Variants in DDX10 observed in about 807,000 individuals in gnomAD.
The protein encoded by DDX10 is DEAD-box helicase 10.
DDX10 carries 74 observed loss-of-function variants against 104.3 expected under a neutral mutation model. The observed-to-expected ratio is 0.71, with a 90% CI of 0.59 to 0.86. DDX10 has a LOEUF of 0.86. DDX10 is among the 40% of genes least tolerant of loss of function. The probability of loss-of-function intolerance (pLI) is 0.00; values close to 1 mark genes in which losing one functional copy is unlikely to be tolerated. For synonymous variants in DDX10, 351 were observed against 353.4 expected (o/e 0.99, Z 0.08); for missense variants, 952 against 1,040.0 (o/e 0.92, Z 1.16).
At chr11:108,670,526 G>C (rs1008191387) in intron 1 of DDX10, among the ~76,000 whole-genome samples, 35 of 152,284 alleles carry the variant, frequency 2.3e-4, no homozygotes, top group African/African-American at 7.9e-4. Flanking sequence ...AGCAGCCCGG[G>C]GGAAGCATGG....
chr11:108,827,637 A>G (rs754614469), intron 13 of DDX10, among the ~76,000 whole-genome samples: 2 of 152,096 alleles, frequency 1.3e-5, no homozygotes, highest in Non-Finnish European at 2.9e-5. Flanking sequence ...GTTGTTTCCT[A>G]TAATTTTAGT....
intron 16 of DDX10, among the ~76,000 whole-genome samples, chr11:108,904,176 C>T (rs904865025): frequency 2.0e-5 from 3 of 152,016 alleles, no homozygotes; most frequent in Non-Finnish European, 4.4e-5. Flanking sequence ...TGACCCTATT[C>T]TATTAGAGCA....
intron 17 of DDX10, among the ~76,000 whole-genome samples, chr11:108,936,094 G>A (rs1275218335): frequency 6.6e-6 from 1 of 152,072 alleles, no homozygotes; most frequent in Non-Finnish European, 1.5e-5. Context: ...CTTGACCTAA[G>A]CAGTCTCACC....
At chr11:108,740,917 CA>C (rs1236378877) in intron 13 of DDX10, among the ~76,000 whole-genome samples, 1 of 151,802 alleles carries the variant, frequency 6.6e-6, no homozygotes, top group Admixed American at 6.6e-5. Flanking sequence ...GGTTATCTGC[CA>C]GGGTTTTTAT....
chr11:108,736,043 T>C (rs1591804901), intron 13 of DDX10, among the ~76,000 whole-genome samples: 1 of 152,318 alleles, frequency 6.6e-6, no homozygotes, highest in Non-Finnish European at 1.5e-5. Flanking sequence ...TCAAGCCGTC[T>C]TTGCTGAAGG....
chr11:108,728,140 G>A (rs2094307578), intron 13 of DDX10, among the ~76,000 whole-genome samples: 1 of 151,874 alleles, frequency 6.6e-6, no homozygotes. Flanking sequence ...TTGGCAAATT[G>A]CTGTAAAAAT....
chr11:108,872,382 A>G (rs1477918390), intron 16 of DDX10, among the ~76,000 whole-genome samples: 2 of 152,254 alleles, frequency 1.3e-5, no homozygotes, highest in Admixed American at 6.5e-5. Context: ...GAGAAAAGCA[A>G]ATTGATACAA....
chr11:108,843,289 A>G (rs1862665965), intron 15 of DDX10, among the ~76,000 whole-genome samples: 1 of 152,178 alleles, frequency 6.6e-6, no homozygotes, highest in Non-Finnish European at 1.5e-5. Context: ...AAAACAAGAA[A>G]AAACTAACAT....
intron 9 of DDX10, among the ~76,000 whole-genome samples, chr11:108,694,139 A>G (rs997400817): frequency 1.3e-5 from 2 of 152,130 alleles, no homozygotes; most frequent in East Asian, 1.9e-4. Flanking sequence ...AGCAATTTAA[A>G]ACTTATGAAT....
chr11:108,804,366 G>GGT (rs372237476), intron 13 of DDX10, among the ~76,000 whole-genome samples: 3 of 151,414 alleles, frequency 2.0e-5, no homozygotes, highest in Non-Finnish European at 4.4e-5. Context: ...CAGGTATGAT[G>GGT]GTGTGTGTGT....
chr11:108,781,145 G>A (rs906854910), intron 13 of DDX10, among the ~76,000 whole-genome samples: 22 of 152,110 alleles, frequency 1.4e-4, no homozygotes, highest in Admixed American at 1.3e-3. Context: ...ACTTATAAGT[G>A]AGAACATGTG....
At chr11:108,836,513 G>A (rs1263210820) in intron 13 of DDX10, among the ~76,000 whole-genome samples, 1 of 152,144 alleles carries the variant, frequency 6.6e-6, no homozygotes, top group Non-Finnish European at 1.5e-5. Context: ...TTGAGACAGA[G>A]TCTTGTTCTT....
Position 108,709,602 on chromosome 11 carries a change from T to C in DDX10, c.1322+2765T>C, listed in dbSNP as rs1034748571. On this transcript the variant is annotated intron_variant, in intron 10 of 17. Transcript: ENST00000322536. Reference sequence around the variant, plus strand: ...GTTCATAATCTTTTTATCCTTTTTATGTCCATGGGATTTGTAATGATATTC... The same window carrying C: ...GTTCATAATCTTTTTATCCTTTTTACGTCCATGGGATTTGTAATGATATTC... Among the ~76,000 whole-genome samples the C allele has an allele frequency of 4.6e-5, 7 of 152,248 alleles. No individual in the cohort carries two copies. The South Asian group carries it at 1.0e-3, about 22-fold the overall frequency.
Position 108,873,855 on chromosome 11 carries a change from C to T in DDX10, c.2304+21646C>T, listed in dbSNP as rs76152584. Among the ~76,000 whole-genome samples, 388 of 152,266 alleles carry T rather than the reference C, an allele frequency of 2.5e-3. 11 individuals are homozygous for T. The East Asian group carries it at 0.062, about 24-fold the overall frequency. On this transcript the variant is annotated intron_variant, in intron 16 of 17. Transcript: ENST00000322536. ...TTTTTACAGCACAGACTGTAAATCACCAATCCCAAGTAAATTACTCTATTA... is the reference window on the plus strand; with the variant it reads ...TTTTTACAGCACAGACTGTAAATCATCAATCCCAAGTAAATTACTCTATTA...
intron 4 of DDX10, 59 bp downstream of exon 4, chr11:108,677,302 G>C: frequency 1.4e-6 from 2 of 1,472,154 alleles, no homozygotes; most frequent in Non-Finnish European, 1.9e-6. Flanking sequence ...GAGTACTGTG[G>C]CCGATGACAG....
intron 16 of DDX10, among the ~76,000 whole-genome samples, chr11:108,909,999 A>G (rs999703167): frequency 4.6e-5 from 7 of 152,090 alleles, no homozygotes; most frequent in Non-Finnish European, 8.8e-5. Flanking sequence ...TCTAATTACA[A>G]CACAGAATTG....
intron 7 of DDX10, chr11:108,690,696 C>A: frequency 5.6e-6 from 1 of 178,530 alleles, no homozygotes; most frequent in Non-Finnish European, 1.2e-5. Flanking sequence ...ATCTTTGAAA[C>A]CTCATTCTTG....
chr11:108,928,789 T>G (rs1325403533), intron 17 of DDX10, among the ~76,000 whole-genome samples: 4 of 152,192 alleles, frequency 2.6e-5, no homozygotes, highest in Non-Finnish European at 4.4e-5. Flanking sequence ...AGTAATTATT[T>G]TAATTACTAA....
chr11:108,848,237 A>G (rs1862745140), intron 15 of DDX10, among the ~76,000 whole-genome samples: 1 of 152,190 alleles, frequency 6.6e-6, no homozygotes, highest in Admixed American at 6.5e-5. Context: ...GCATAGCTAG[A>G]TATGTACATA....
Sources: gnomAD v4.1 joint callset for allele counts (sites outside exome capture counted in the v4.1 genomes callset) on GRCh38, gnomAD v4.1.1 for gene constraint, MANE v1.5 for transcripts, NCBI Gene and HGNC (gene_info 2026-07-23, HGNC 2026-07-21) for gene names.